The following GREB1L variants were observed in gnomAD, a reference collection of about 807,000 sequenced individuals.
GREB1L encodes GREB1-like protein.
In GREB1L, 17 loss-of-function variants were observed where a neutral mutation model predicts 200.8. The ratio of observed to expected loss-of-function variants is 0.08; its 90% confidence interval spans 0.06 to 0.13. The LOEUF (loss-of-function observed/expected upper bound fraction) is 0.13. Among genes scored for constraint, GREB1L ranks in the 10% least tolerant of loss-of-function variants. The pLI is 1.00. For synonymous variants in GREB1L, 789 were observed against 893.0 expected (o/e 0.88, Z 2.08); for missense variants, 1,657 against 2,367.7 (o/e 0.70, Z 6.23).
intron 1 of GREB1L, among the ~76,000 whole-genome samples, chr18:21,267,139 GGCC>G (rs2037982055): frequency 6.6e-6 from 1 of 150,710 alleles, no homozygotes; most frequent in Non-Finnish European, 1.5e-5. Flanking sequence ...TCACTATGTT[GGCC>G]AGGCTGGTCT....
chr18:21,452,151 G>T lies in GREB1L; in HGVS notation c.1918G>T (p.Asp640Tyr). Residue 640 changes from aspartate (D) to tyrosine (Y), a missense_variant, in exon 14 of 33, where the codon GAT becomes TAT. This residue lies in a region of GREB1L where 239 missense variants were observed against 421.8 expected (regional missense o/e 0.57). Transcript: ENST00000424526. The part of the protein sequence containing the change: ...RRGDSVVTPF[D>Y]GDLNECVSPQ... ...AGGAGACAGTGTGGTTACCCCTTTC[G>T]ATGGAGACCTTAATGAATGTGTGTC... 1 of 1,551,950 alleles carries T rather than the reference G, an allele frequency of 6.4e-7. No individual in the cohort carries two copies. The highest frequency in any genetic ancestry group is 8.7e-7 in the Non-Finnish European group (1 of 1,146,942).
chr18:21,490,398 C>A, intron 19 of GREB1L, 47 bp downstream of exon 19: 1 of 1,485,090 alleles, frequency 6.7e-7, no homozygotes, highest in Non-Finnish European at 9.1e-7. Context: ...ATTTGTTTCT[C>A]TTTTCTAGGA....
At chr18:21,405,828 T>C (rs1183018850) in intron 7 of GREB1L, among the ~76,000 whole-genome samples, 1 of 151,134 alleles carries the variant, frequency 6.6e-6, no homozygotes, top group African/African-American at 2.4e-5. Flanking sequence ...TATAAGGGAT[T>C]AAAGAACAAT....
At chr18:21,453,571 A>G (rs1204066543) in intron 14 of GREB1L, among the ~76,000 whole-genome samples, 2 of 152,202 alleles carry the variant, frequency 1.3e-5, no homozygotes, top group Non-Finnish European at 2.9e-5. Flanking sequence ...CACGTATAAG[A>G]AAGATTGATC....
intron 1 of GREB1L, among the ~76,000 whole-genome samples, chr18:21,270,165 CAG>C (rs143668174): frequency 0.059 from 9,051 of 152,226 alleles, 370 homozygotes; most frequent in Non-Finnish European, 0.084. Flanking sequence ...GTGCTCTTAA[CAG>C]TGTAACATGC....
intron 4 of GREB1L, among the ~76,000 whole-genome samples, chr18:21,391,370 A>G (rs1402936645): frequency 1.3e-5 from 2 of 152,264 alleles, no homozygotes; most frequent in Non-Finnish European, 2.9e-5. Context: ...AGGCTATACC[A>G]TCTAGCCTAC....
intron 27 of GREB1L, among the ~76,000 whole-genome samples, chr18:21,511,326 T>C (rs1287806352): frequency 1.3e-5 from 2 of 151,964 alleles, no homozygotes; most frequent in African/African-American, 4.8e-5. Context: ...ATCGTACCGC[T>C]GCACTCCAGC....
intron 23 of GREB1L, among the ~76,000 whole-genome samples, chr18:21,500,912 T>C (rs2036762659): frequency 6.6e-6 from 1 of 151,464 alleles, no homozygotes; most frequent in Non-Finnish European, 1.5e-5. Context: ...CTACTGAAAA[T>C]ATAAAAATTA....
chr18:21,515,469 T>C lies in GREB1L; in HGVS notation c.4954T>C (p.Leu1652=). Residue 1652 remains leucine, a synonymous_variant, in exon 29 of 33, where the codon TTG becomes CTG. Coordinates refer to ENST00000424526, the MANE Select transcript of GREB1L (RefSeq NM_001142966.3). The part of the protein sequence containing the change: ...SSKNVSLKTV[L]QHIEATPKIV... ...TAAGAATGTGTCCTTGAAGACTGTC[T>C]TGCAGCACATTGAAGCCACACCAAA... The C allele has an allele frequency of 1.3e-6, 2 of 1,551,702 alleles. No homozygotes were observed. The highest frequency in any genetic ancestry group is 1.4e-5 in the African/African-American group (1 of 73,152).
At chr18:21,453,839 A>T (rs763477777) in intron 14 of GREB1L, among the ~76,000 whole-genome samples, 14 of 152,094 alleles carry the variant, frequency 9.2e-5, no homozygotes, top group Non-Finnish European at 2.1e-4. Context: ...TGGGGAGGGA[A>T]TTTCCGACCA....
At chr18:21,436,671 TG>T (rs1367055766) in intron 7 of GREB1L, among the ~76,000 whole-genome samples, 4 of 50,920 alleles carry the variant, frequency 7.9e-5, no homozygotes, top group Admixed American at 5.2e-4. Flanking sequence ...AGTTCAGTGG[TG>T]TGTGTGTGTG....
At chr18:21,454,777 A>C (rs2034679415) in intron 15 of GREB1L, 1 of 571,418 alleles carries the variant, frequency 1.8e-6, no homozygotes, top group Non-Finnish European at 3.1e-6. Flanking sequence ...ATTGTTGTGC[A>C]TGTTTGCCAG....
At chr18:21,453,410 CATTA>C (rs1349425003) in intron 14 of GREB1L, among the ~76,000 whole-genome samples, 1 of 152,150 alleles carries the variant, frequency 6.6e-6, no homozygotes, top group Non-Finnish European at 1.5e-5. Context: ...TTTTAGAAAA[CATTA>C]ATTAGCACAG....
At chr18:21,341,859 C>A (rs1169802717) in intron 1 of GREB1L, among the ~76,000 whole-genome samples, 3 of 152,102 alleles carry the variant, frequency 2.0e-5, no homozygotes, top group Non-Finnish European at 4.4e-5. Flanking sequence ...GTCAGTGCAG[C>A]CTTGCTTATG....
chr18:21,399,972 G>T (rs1260974644), intron 5 of GREB1L, among the ~76,000 whole-genome samples: 2 of 151,970 alleles, frequency 1.3e-5, no homozygotes, highest in East Asian at 3.9e-4. Flanking sequence ...TATATATCAG[G>T]TTAGCTTAGG....
chr18:21,253,293 C>T (rs1489713049), intron 1 of GREB1L, among the ~76,000 whole-genome samples: 1 of 147,314 alleles, frequency 6.8e-6, no homozygotes, highest in Admixed American at 6.9e-5. Flanking sequence ...TGCTCTGTCG[C>T]CCAGGCTGGA....
chr18:21,518,331 C>T lies in GREB1L; in HGVS notation c.5472+97C>T, dbSNP rs185148828. 12 of 1,137,868 alleles carry T rather than the reference C, an allele frequency of 1.1e-5. No individual in the cohort carries two copies. The East Asian group carries it at 2.8e-4, about 27-fold the overall frequency. 70.5% of individuals were successfully genotyped at this position (1,137,868 alleles called of 1,614,324 possible). Reference sequence around the variant, plus strand: ...AAAAGGAGCCTGTGACATGAAATATCAATCAAGATGCCAGTCTGGTCCTTT... The same window carrying T: ...AAAAGGAGCCTGTGACATGAAATATTAATCAAGATGCCAGTCTGGTCCTTT... On this transcript the variant is annotated intron_variant, in intron 31 of 32. Coordinates refer to ENST00000424526, the MANE Select transcript of GREB1L (RefSeq NM_001142966.3).
chr18:21,525,124 G>GCTGAA lies in GREB1L; in HGVS notation c.*2305_*2309dup, dbSNP rs1231479787. On this transcript the variant is annotated 3_prime_UTR_variant, in exon 33 of 33. Transcript: ENST00000424526. ...CACACAGTAACTCACCTGTAGACCT[G>GCTGAA]CTGAACCTCAGCATGTATGACAGTT... 4 of 151,974 alleles carry GCTGAA rather than the reference G, an allele frequency of 2.6e-5. No homozygotes were observed. The highest frequency in any genetic ancestry group is 9.7e-5 in the African/African-American group (4 of 41,408). 9.4% of individuals were successfully genotyped at this position (151,974 alleles called of 1,614,324 possible). A position where few individuals can be genotyped will look rare whatever the true frequency, so the allele number is the denominator to read the frequency against.
chr18:21,270,008 C>A (rs1312774180), intron 1 of GREB1L, among the ~76,000 whole-genome samples: 2 of 152,184 alleles, frequency 1.3e-5, no homozygotes, highest in Non-Finnish European at 2.9e-5. Context: ...ACCTGTTTCC[C>A]AGTCACCCAA....
Sources: allele counts gnomAD v4.1 joint callset (sites outside exome capture counted in the v4.1 genomes callset), GRCh38; gene constraint gnomAD v4.1.1; regional missense constraint gnomAD v4.1.1; transcripts MANE v1.5; gene names NCBI Gene and HGNC (gene_info 2026-07-23, HGNC 2026-07-21).